The following GXYLT2 variants were observed in gnomAD, a reference collection of about 807,000 sequenced individuals.
GXYLT2 encodes glycosyltransferase 8 domain containing 4.
In GXYLT2, 53 loss-of-function variants were observed where a neutral mutation model predicts 45.8. The observed-to-expected ratio is 1.16, with a 90% CI of 0.93 to 1.46. The LOEUF (loss-of-function observed/expected upper bound fraction) is 1.46. Among genes scored for constraint, GXYLT2 ranks in the 40% most tolerant of loss-of-function variants. GXYLT2 has a pLI of 0.00. For synonymous variants in GXYLT2, 219 were observed against 214.2 expected (o/e 1.02, Z -0.19); for missense variants, 551 against 544.4 (o/e 1.01, Z -0.12).
In GXYLT2 at chr3:72,928,169, AT is replaced by A. The variant is rs373269954; in HGVS notation, c.600+5836del. 2.7e-4 allele frequency among the ~76,000 whole-genome samples: 41 copies of A among 152,252 alleles called. 1 individual carries two copies. The highest frequency in any genetic ancestry group is 1.1e-3 in the Admixed American group (17 of 15,286). ...AGGTAGCAACTTCCAAAATGGTGAC[AT>A]TAGGAGCCCTGTGGAATTGCTCCCC... On this transcript the variant is annotated intron_variant, in intron 3 of 6. Transcript: ENST00000389617.
intron 2 of GXYLT2, among the ~76,000 whole-genome samples, chr3:72,916,152 C>G (rs979866137): frequency 3.3e-5 from 5 of 150,402 alleles, no homozygotes; most frequent in Non-Finnish European, 7.4e-5. Context: ...CTGGTGGAAA[C>G]TTAAGATCTA....
At chr3:72,898,399 T>G (rs137880978) in intron 1 of GXYLT2, among the ~76,000 whole-genome samples, 2,014 of 152,296 alleles carry the variant, frequency 0.013, 35 homozygotes, top group African/African-American at 0.046. Context: ...CAGATTCATA[T>G]TTTAAAATCT....
intron 5 of GXYLT2, among the ~76,000 whole-genome samples, chr3:72,963,500 G>GTTT (rs1357255168): frequency 2.3e-5 from 2 of 85,894 alleles, no homozygotes; most frequent in East Asian, 3.2e-4. Context: ...GAGGTCCGGA[G>GTTT]TTTTTTGTTT....
intron 1 of GXYLT2, among the ~76,000 whole-genome samples, chr3:72,890,313 C>T (rs1462470445): frequency 6.6e-6 from 1 of 152,264 alleles, no homozygotes; most frequent in Non-Finnish European, 1.5e-5. Flanking sequence ...TCCTGGGCCC[C>T]ACCCCAACCC....
intron 3 of GXYLT2, among the ~76,000 whole-genome samples, chr3:72,926,422 T>C (rs1709919005): frequency 6.6e-6 from 1 of 152,242 alleles, no homozygotes; most frequent in African/African-American, 2.4e-5. Flanking sequence ...ATGGCTTGGT[T>C]AAGCGTTCTA....
intron 3 of GXYLT2, among the ~76,000 whole-genome samples, chr3:72,944,945 T>G (rs896596830): frequency 6.6e-6 from 1 of 152,116 alleles, no homozygotes; most frequent in African/African-American, 2.4e-5. Flanking sequence ...TTCCCGTGAT[T>G]GGCAATGCAG....
chr3:72,935,654 C>T (rs145828820), intron 3 of GXYLT2, among the ~76,000 whole-genome samples: 1 of 152,284 alleles, frequency 6.6e-6, no homozygotes, highest in Non-Finnish European at 1.5e-5. Context: ...ATCAAAAGGA[C>T]TTCAAACTCT....
chr3:72,912,349 T>C (rs918267943), intron 2 of GXYLT2, among the ~76,000 whole-genome samples: 10 of 152,058 alleles, frequency 6.6e-5, no homozygotes, highest in African/African-American at 2.4e-4. Flanking sequence ...GCGGTCTCCC[T>C]ATGTTGCCCA....
chr3:72,898,982 TG>T (rs1709348275), intron 1 of GXYLT2, among the ~76,000 whole-genome samples: 1 of 151,628 alleles, frequency 6.6e-6, no homozygotes, highest in African/African-American at 2.4e-5. Flanking sequence ...CCGCCTGCCT[TG>T]GCCTCCCAAA....
intron 2 of GXYLT2, among the ~76,000 whole-genome samples, chr3:72,920,961 A>G (rs1350894134): frequency 6.6e-6 from 1 of 151,626 alleles, no homozygotes; most frequent in Non-Finnish European, 1.5e-5. Flanking sequence ...AGCTGGGATT[A>G]CAGGCGCCCA....
intron 1 of GXYLT2, among the ~76,000 whole-genome samples, chr3:72,904,909 G>A (rs1709479508): frequency 6.7e-6 from 1 of 148,780 alleles, no homozygotes. Context: ...TTAACCAGGT[G>A]TGATGGCCTT....
chr3:72,957,572 A>G (rs1710673649), intron 5 of GXYLT2, among the ~76,000 whole-genome samples: 4 of 152,182 alleles, frequency 2.6e-5, no homozygotes, highest in Admixed American at 6.5e-5. Flanking sequence ...AACTTCCAAC[A>G]CTGGACTCAT....
intron 3 of GXYLT2, among the ~76,000 whole-genome samples, chr3:72,942,763 A>G (rs1250576990): frequency 1.3e-5 from 2 of 152,152 alleles, no homozygotes; most frequent in Non-Finnish European, 2.9e-5. Flanking sequence ...AAAAAAAAAA[A>G]AAAGGAAAGG....
intron 1 of GXYLT2, among the ~76,000 whole-genome samples, chr3:72,900,047 G>A (rs4550778): frequency 0.29 from 44,106 of 151,840 alleles, 6,783 homozygotes; most frequent in Non-Finnish European, 0.34. Flanking sequence ...CAGGAGAAGC[G>A]CTGATAAGAG....
At chr3:72,958,016 A>G (rs755323702) in intron 5 of GXYLT2, among the ~76,000 whole-genome samples, 1 of 152,182 alleles carries the variant, frequency 6.6e-6, no homozygotes, top group Non-Finnish European at 1.5e-5. Flanking sequence ...CACACCTGTA[A>G]TCCCAGCACT....
At position 72,908,709 on chromosome 3, in the gene GXYLT2, CAG is replaced by C. The variant is rs201140423; in HGVS notation, c.468+151_468+152del. On this transcript the variant is annotated intron_variant, in intron 2 of 6. Coordinates refer to ENST00000389617, the MANE Select transcript of GXYLT2 (RefSeq NM_001080393.2). ...CTCTGAGCCTCAGTTTTTGGTAAAA[CAG>C]GGATAATTATACCTACCTCATAGAG... 1,245 of 648,692 alleles carry C rather than the reference CAG, an allele frequency of 1.9e-3. 12 individuals are homozygous for C. Among genetic ancestry groups the C allele is most frequent in the African/African-American group, 0.018 (973 of 54,628 alleles). The allele number at this position is 648,692 out of a possible 1,614,324, so 40.2% of individuals were successfully genotyped here.
chr3:72,966,134 A>G (rs1436768755), intron 5 of GXYLT2, among the ~76,000 whole-genome samples: 3 of 151,830 alleles, frequency 2.0e-5, no homozygotes, highest in African/African-American at 4.8e-5. Context: ...TCCTGCCTCC[A>G]TGCCTGGCTA....
At chr3:72,941,457 G>C (rs1487150722) in intron 3 of GXYLT2, among the ~76,000 whole-genome samples, 1 of 152,094 alleles carries the variant, frequency 6.6e-6, no homozygotes, top group African/African-American at 2.4e-5. Flanking sequence ...CCACTCTAGT[G>C]TGTGTCACTC....
intron 1 of GXYLT2, among the ~76,000 whole-genome samples, chr3:72,889,056 T>C (rs376515910): frequency 6.6e-6 from 1 of 152,078 alleles, no homozygotes; most frequent in African/African-American, 2.4e-5. Context: ...AAAGACAGAG[T>C]GGGGGTTTCC....
Sources: allele counts gnomAD v4.1 joint callset (sites outside exome capture counted in the v4.1 genomes callset), GRCh38; gene constraint gnomAD v4.1.1; transcripts MANE v1.5; gene names NCBI Gene and HGNC (gene_info 2026-07-23, HGNC 2026-07-21).